Variants in HFM1 observed in about 807,000 individuals in gnomAD.
HFM1 encodes probable ATP-dependent DNA helicase HFM1.
HFM1 carries 169 observed loss-of-function variants against 192.1 expected under a neutral mutation model. That is an observed-to-expected ratio of 0.88 (90% CI 0.78 to 1.00). The LOEUF (loss-of-function observed/expected upper bound fraction) is 1.00. HFM1 is among the 50% of genes least tolerant of loss of function. The probability of loss-of-function intolerance (pLI) is 0.00; values close to 1 mark genes in which losing one functional copy is unlikely to be tolerated. For missense variants in HFM1, 1,661 were observed against 1,668.0 expected, an observed-to-expected ratio of 1.00 and a Z score of 0.07; for synonymous variants, 525 against 537.8, an observed-to-expected ratio of 0.98 and a Z score of 0.33.
chr1:91,337,289 G>A (rs1654728274), intron 20 of HFM1, among the ~76,000 whole-genome samples: 1 of 151,904 alleles, frequency 6.6e-6, no homozygotes, highest in African/African-American at 2.4e-5. Flanking sequence ...CTGGCAAACA[G>A]GTAAAAACCT....
intron 13 of HFM1, among the ~76,000 whole-genome samples, chr1:91,373,524 A>C (rs1557478971): frequency 6.6e-6 from 1 of 151,988 alleles, no homozygotes; most frequent in Non-Finnish European, 1.5e-5. Context: ...TGTAATCTCC[A>C]GTATTGAAGG....
At chr1:91,372,141 G>T (rs1660298725) in intron 13 of HFM1, among the ~76,000 whole-genome samples, 1 of 152,230 alleles carries the variant, frequency 6.6e-6, no homozygotes, top group African/African-American at 2.4e-5. Flanking sequence ...CTGTTGGTGG[G>T]ACTGTAAACT....
chr1:91,338,839 T>A, intron 20 of HFM1: 1 of 439,948 alleles, frequency 2.3e-6, no homozygotes, highest in South Asian at 1.6e-5. Context: ...CATGCTACTA[T>A]ACAGCCACTG....
chr1:91,392,768 A>G (rs1663164631), intron 4 of HFM1, among the ~76,000 whole-genome samples: 1 of 151,894 alleles, frequency 6.6e-6, no homozygotes, highest in African/African-American at 2.4e-5. Context: ...AAAAATATTC[A>G]CCTCCAAAAA....
At chr1:91,329,477 G>C in intron 20 of HFM1, 1 of 1,563,066 alleles carries the variant, frequency 6.4e-7, no homozygotes, top group Non-Finnish European at 8.7e-7. Flanking sequence ...CTAAGAAGAA[G>C]GCAAAGACTG....
intron 19 of HFM1, among the ~76,000 whole-genome samples, chr1:91,345,340 A>G: frequency 6.6e-6 from 1 of 152,182 alleles, no homozygotes; most frequent in East Asian, 1.9e-4. Context: ...TTTAAGGAAT[A>G]GCAAGAAGGC....
chr1:91,385,060 C>T, intron 6 of HFM1, 127 bp downstream of exon 6: 1 of 676,518 alleles, frequency 1.5e-6, no homozygotes, highest in Non-Finnish European at 2.5e-6. Context: ...CCTCTTACAA[C>T]ACCAAAAAGA....
intron 35 of HFM1, 146 bp downstream of exon 35, chr1:91,267,599 T>C: frequency 1.9e-6 from 1 of 521,088 alleles, no homozygotes; most frequent in Non-Finnish European, 3.3e-6. Flanking sequence ...ACATTTTCAG[T>C]TTTGCTAAAA....
At chr1:91,391,281 C>G (rs980186461) in intron 4 of HFM1, among the ~76,000 whole-genome samples, 2 of 152,230 alleles carry the variant, frequency 1.3e-5, no homozygotes, top group East Asian at 1.9e-4. Flanking sequence ...CAAAACAGAG[C>G]CCGCATTGCC....
chr1:91,273,600 C>A, intron 34 of HFM1, 112 bp downstream of exon 34: 2 of 555,494 alleles, frequency 3.6e-6, no homozygotes, highest in South Asian at 2.8e-5. Context: ...AAAATGTTGC[C>A]AAGTTAATAA....
Position 91,262,325 on chromosome 1 carries a change from G to A in HFM1, c.4154C>T (p.Ser1385Phe). The A allele has an allele frequency of 6.5e-7, 1 of 1,543,050 alleles. No individual in the cohort carries two copies. Among genetic ancestry groups the A allele is most frequent in the East Asian group, 2.3e-5 (1 of 43,794 alleles). ...PEIEKQCFTF[S>F]EKNPNSSNYK... ...ATTTGAAGAATTTGGGTTTTTTTCA[G>A]AGAAAGTAAAGCATTGCTTCTCAAT... Residue 1385 changes from serine to phenylalanine, a missense_variant, in exon 38 of 39, where the codon TCT becomes TTT. Physicochemically the swap from Ser to Phe is radical, Grantham distance 155 (BLOSUM62 -2). Coordinates refer to ENST00000370425, the MANE Select transcript of HFM1 (RefSeq NM_001017975.6).
At chr1:91,270,725 T>C (rs970015937) in intron 34 of HFM1, among the ~76,000 whole-genome samples, 1 of 152,074 alleles carries the variant, frequency 6.6e-6, no homozygotes, top group East Asian at 1.9e-4. Context: ...TAGTATCAAA[T>C]ACTATAGAGG....
At chr1:91,400,931 CAG>C (rs1664241354) in intron 2 of HFM1, 79 bp downstream of exon 2, 2 of 591,288 alleles carry the variant, frequency 3.4e-6, no homozygotes, top group African/African-American at 2.0e-5. Context: ...GTATATTTAC[CAG>C]AGAGAAAGCT....
intron 18 of HFM1, among the ~76,000 whole-genome samples, chr1:91,349,870 T>C (rs1404430127): frequency 6.6e-6 from 1 of 152,208 alleles, no homozygotes; most frequent in Non-Finnish European, 1.5e-5. Context: ...GATTTGTGTT[T>C]AAAAGGTGCG....
intron 20 of HFM1, among the ~76,000 whole-genome samples, chr1:91,326,465 A>C (rs1414023387): frequency 2.6e-5 from 4 of 152,150 alleles, no homozygotes; most frequent in African/African-American, 7.2e-5. Context: ...ACATATTTAA[A>C]GTGCTAAAGA....
At chr1:91,380,489 T>A (rs916181181) in intron 7 of HFM1, among the ~76,000 whole-genome samples, 4 of 152,086 alleles carry the variant, frequency 2.6e-5, no homozygotes, top group Non-Finnish European at 5.9e-5. Flanking sequence ...TGCGATGGCT[T>A]ACACCTGTAA....
chr1:91,368,925 CA>C (rs1170379738), intron 13 of HFM1, among the ~76,000 whole-genome samples: 6 of 151,606 alleles, frequency 4.0e-5, no homozygotes, highest in Admixed American at 3.9e-4. Context: ...AAATGGAAAA[CA>C]AAAAAAGGCA....
chr1:91,343,495 T>G lies in HFM1; in HGVS notation c.2270A>C (p.Asn757Thr). ...EAKLQELCLK[N>T]LNDLSSLDLI... ...GTCCAGGGATGATAAATCATTCAGA[T>G]TCTTCAAACATAATTCTGTTTAATT... Residue 757 changes from asparagine to threonine, a missense_variant, in exon 20 of 39, where the codon AAT becomes ACT. By Grantham distance (65) the Asn-to-Thr change is moderately conservative. Transcript: ENST00000370425. 1.4e-6 allele frequency: 2 copies of G among 1,391,052 alleles called. No homozygotes were observed. Among genetic ancestry groups the G allele is most frequent in the Non-Finnish European group, 2.0e-6 (2 of 1,008,166 alleles). The allele number at this position is 1,391,052 out of a possible 1,614,324, so 86.2% of individuals were successfully genotyped here.
chr1:91,304,780 G>A (rs1649371394), intron 30 of HFM1, among the ~76,000 whole-genome samples: 2 of 151,932 alleles, frequency 1.3e-5, no homozygotes, highest in South Asian at 4.2e-4. Flanking sequence ...CACCTGGCGA[G>A]TTTTATAGTT....
Sources: gnomAD v4.1 joint callset for allele counts (sites outside exome capture counted in the v4.1 genomes callset) on GRCh38, gnomAD v4.1.1 for gene constraint, MANE v1.5 for transcripts, NCBI Gene and HGNC (gene_info 2026-07-23, HGNC 2026-07-21) for gene names.